The following PPP1R9A variants were observed in gnomAD, a reference collection of about 807,000 sequenced individuals.
The protein encoded by PPP1R9A is protein phosphatase 1 regulatory subunit 9A, also known as neurabin-1.
A neutral mutation model predicts 141.9 loss-of-function variants in PPP1R9A; 59 were observed. The ratio of observed to expected loss-of-function variants is 0.42; its 90% CI spans 0.34 to 0.52. The LOEUF (loss-of-function observed/expected upper bound fraction) is 0.52. Ranked by LOEUF, PPP1R9A falls within the 20% of genes least tolerant of loss-of-function variation. PPP1R9A has a pLI of 0.10. For missense variants in PPP1R9A, 1,444 were observed against 1,611.9 expected (o/e 0.90, Z 1.78); for synonymous variants, 500 against 569.7 (o/e 0.88, Z 1.74).
intron 16 of PPP1R9A, among the ~76,000 whole-genome samples, chr7:95,278,260 G>C (rs564359559): frequency 6.6e-6 from 1 of 152,198 alleles, no homozygotes; most frequent in Non-Finnish European, 1.5e-5. Context: ...AGTCAGATAA[G>C]GCTAGTCTAT....
At chr7:95,147,823 G>C (rs1263577473) in intron 4 of PPP1R9A, among the ~76,000 whole-genome samples, 1 of 152,128 alleles carries the variant, frequency 6.6e-6, no homozygotes, top group Non-Finnish European at 1.5e-5. Flanking sequence ...TGTTGAACCA[G>C]CCTTGCATCC....
At chr7:95,272,262 T>A (rs1802326736) in intron 14 of PPP1R9A, among the ~76,000 whole-genome samples, 1 of 152,228 alleles carries the variant, frequency 6.6e-6, no homozygotes, top group African/African-American at 2.4e-5. Context: ...TCCTAGCCAT[T>A]AAGAGTTGCT....
intron 12 of PPP1R9A, among the ~76,000 whole-genome samples, chr7:95,256,329 C>A (rs1799581570): frequency 6.6e-6 from 1 of 151,882 alleles, no homozygotes; most frequent in South Asian, 2.1e-4. Context: ...CATTAGAAAA[C>A]CTACTCATAT....
At chr7:95,067,660 G>A (rs928869434) in intron 2 of PPP1R9A, among the ~76,000 whole-genome samples, 3 of 152,010 alleles carry the variant, frequency 2.0e-5, no homozygotes, top group African/African-American at 4.8e-5. Context: ...GATTCCCCAC[G>A]GATACCAAAA....
chr7:95,063,556 C>T (rs1232016120), intron 2 of PPP1R9A, among the ~76,000 whole-genome samples: 1 of 151,978 alleles, frequency 6.6e-6, no homozygotes, highest in Non-Finnish European at 1.5e-5. Flanking sequence ...CAGAGCAAGA[C>T]TTTTTTAAAA....
chr7:95,259,733 A>G (rs1446847612), intron 12 of PPP1R9A, among the ~76,000 whole-genome samples: 1 of 152,186 alleles, frequency 6.6e-6, no homozygotes, highest in African/African-American at 2.4e-5. Flanking sequence ...GCCAGAATTT[A>G]TTAGATGGAA....
rs1025494714 is a variant in PPP1R9A at position 95,008,015 on chromosome 7, T to C, written c.1395+96507T>C. 2.0e-5 allele frequency among the ~76,000 whole-genome samples: 3 copies of C among 152,178 alleles called. 1 individual carries two copies. The highest frequency in any genetic ancestry group is 2.0e-4 in the Admixed American group (3 of 15,284). On this transcript the variant is annotated intron_variant, in intron 2 of 19. Transcript: ENST00000433360. ...TGAACCTGGGAGGTGGAGGTTGCAG[T>C]GAGCTGAGATTATGCCATTGCGCTT...
chr7:95,043,828 A>C (rs1204735372), intron 2 of PPP1R9A, among the ~76,000 whole-genome samples: 1 of 152,166 alleles, frequency 6.6e-6, no homozygotes, highest in African/African-American at 2.4e-5. Context: ...TTAAAACATC[A>C]TCTCTAGACC....
intron 2 of PPP1R9A, among the ~76,000 whole-genome samples, chr7:95,078,584 T>C (rs1237263857): frequency 6.6e-6 from 1 of 152,338 alleles, no homozygotes; most frequent in Admixed American, 6.5e-5. Flanking sequence ...TGAACTAGTT[T>C]ACAGTCCCAA....
At chr7:94,993,053 A>G (rs1264557525) in intron 2 of PPP1R9A, among the ~76,000 whole-genome samples, 1 of 150,438 alleles carries the variant, frequency 6.6e-6, no homozygotes, top group East Asian at 1.9e-4. Context: ...AGTTAATTTT[A>G]TGTATGTTGA....
At chr7:95,054,211 G>A (rs1294547668) in intron 2 of PPP1R9A, among the ~76,000 whole-genome samples, 2 of 151,376 alleles carry the variant, frequency 1.3e-5, no homozygotes, top group African/African-American at 4.9e-5. Flanking sequence ...TGCCTTCTGG[G>A]TTCAAGCTAT....
intron 2 of PPP1R9A, among the ~76,000 whole-genome samples, chr7:94,992,692 T>C (rs1235503038): frequency 6.6e-6 from 1 of 152,202 alleles, no homozygotes; most frequent in Non-Finnish European, 1.5e-5. Context: ...AATGTTACTG[T>C]GGTTTCAATT....
intron 2 of PPP1R9A, among the ~76,000 whole-genome samples, chr7:95,085,954 A>T (rs1236708801): frequency 6.6e-6 from 1 of 151,510 alleles, no homozygotes; most frequent in Non-Finnish European, 1.5e-5. Flanking sequence ...ACACTAATCC[A>T]CTTGGAATTT....
chr7:95,086,380 C>T (rs1816637449), intron 2 of PPP1R9A, among the ~76,000 whole-genome samples: 1 of 151,732 alleles, frequency 6.6e-6, no homozygotes, highest in African/African-American at 2.4e-5. Flanking sequence ...AGCATTTTAC[C>T]TAAAAAAGAT....
intron 7 of PPP1R9A, among the ~76,000 whole-genome samples, chr7:95,210,914 G>T (rs1002778441): frequency 6.6e-6 from 1 of 151,960 alleles, no homozygotes; most frequent in Non-Finnish European, 1.5e-5. Context: ...ACCAAACACC[G>T]CATGTTCTCA....
Position 95,251,941 on chromosome 7 carries a change from T to C in PPP1R9A, c.2494-18T>C. ...GAGCGCTAGTTTAGAGTTTTATAAA[T>C]GGATTTGTTTTTCCTAGATTAGAGA... is the stretch of plus-strand genomic sequence containing the variant. On this transcript the variant is annotated intron_variant, in intron 11 of 19. Transcript: ENST00000433360. 6.2e-7 allele frequency: 1 copy of C among 1,605,822 alleles called. No individual in the cohort carries two copies. The highest frequency in any genetic ancestry group is 8.5e-7 in the Non-Finnish European group (1 of 1,177,598).
intron 12 of PPP1R9A, among the ~76,000 whole-genome samples, chr7:95,259,071 C>A (rs1456425853): frequency 6.6e-6 from 1 of 152,060 alleles, no homozygotes; most frequent in Non-Finnish European, 1.5e-5. Flanking sequence ...GTTAAACAAA[C>A]CAGCTAACTA....
chr7:94,910,645 T>A lies in PPP1R9A; in HGVS notation c.532T>A (p.Ser178Thr), dbSNP rs1162352134. 3.1e-6 allele frequency: 5 copies of A among 1,613,906 alleles called. No individual in the cohort carries two copies. Among genetic ancestry groups the A allele is most frequent in the Non-Finnish European group, 4.2e-6 (5 of 1,180,004 alleles). Residue 178 changes from serine (S) to threonine (T), a missense_variant, in exon 2 of 20, where the codon TCC (serine) becomes ACC (threonine). Ser to Thr is a moderately conservative substitution (Grantham distance 58). This residue lies in a region of PPP1R9A where 490 missense variants were observed against 521.1 expected (regional missense o/e 0.94). Coordinates refer to ENST00000433360, the MANE Select transcript of PPP1R9A (RefSeq NM_001166160.2). The surrounding 1 kb of genome is among the most constrained non-coding windows in gnomAD (Gnocchi z 4.5). ...GSEPQDEWGGSKSNRGSTDSL... is the reference protein window; with the variant it reads ...GSEPQDEWGGTKSNRGSTDSL... ...TGAACCTCAGGATGAATGGGGAGGT[T>A]CCAAGTCCAACAGAGGCAGTACTGA... is the stretch of plus-strand genomic sequence containing the variant.
chr7:95,275,862 C>A (rs1803083098), intron 16 of PPP1R9A, among the ~76,000 whole-genome samples: 2 of 152,060 alleles, frequency 1.3e-5, no homozygotes, highest in Admixed American at 1.3e-4. Flanking sequence ...AATTAATTAT[C>A]TTTGTTAGTG....
Sources: gnomAD v4.1 joint callset for allele counts (sites outside exome capture counted in the v4.1 genomes callset) on GRCh38, gnomAD v4.1.1 for gene constraint, gnomAD v4.1.1 regional missense constraint, Gnocchi (gnomAD v3.1) non-coding constraint, MANE v1.5 for transcripts, NCBI Gene and HGNC (gene_info 2026-07-23, HGNC 2026-07-21) for gene names.